Variants in MAN2A1 observed in about 807,000 individuals in gnomAD.
MAN2A1 encodes alpha-mannosidase 2.
In MAN2A1, 76 loss-of-function variants were observed where a neutral mutation model predicts 142.6. The observed-to-expected ratio is 0.53, with a 90% CI of 0.44 to 0.65. The LOEUF (loss-of-function observed/expected upper bound fraction) is 0.65, where lower values mean the gene tolerates loss of function less well. Ranked by LOEUF, MAN2A1 falls within the 30% of genes least tolerant of loss-of-function variation. MAN2A1 has a pLI of 0.00. For synonymous variants in MAN2A1, 559 were observed against 473.2 expected (o/e 1.18, Z -2.35); for missense variants, 1,311 against 1,365.1 (o/e 0.96, Z 0.62).
At chr5:109,732,353 G>A (rs2112588776) in intron 4 of MAN2A1, among the ~76,000 whole-genome samples, 1 of 152,166 alleles carries the variant, frequency 6.6e-6, no homozygotes, top group East Asian at 1.9e-4. Flanking sequence ...CTGTGCAGAA[G>A]CTCTTTAATT....
At chr5:109,804,021 A>C (rs1021749872) in intron 12 of MAN2A1, 7 of 229,850 alleles carry the variant, frequency 3.0e-5, no homozygotes, top group African/African-American at 1.6e-4. Flanking sequence ...CCCAGTGTCC[A>C]TCATGTCTTC....
intron 17 of MAN2A1, among the ~76,000 whole-genome samples, chr5:109,843,594 T>C (rs1755270284): frequency 1.3e-5 from 2 of 152,216 alleles, no homozygotes; most frequent in Admixed American, 6.5e-5. Flanking sequence ...TGTGTGTGTG[T>C]GTATACCATT....
Position 109,729,509 on chromosome 5 carries a change from A to C in MAN2A1, c.703A>C (p.Lys235Gln). ...AGATATTCAGAAGAAGGATGCTGTT[A>C]AAAGGTTTGTTTTAAAACTTTTTTG... ...IIDIQKKDAVKSLIENGQLEI... is the reference protein window; with the variant it reads ...IIDIQKKDAVQSLIENGQLEI... Residue 235 changes from lysine to glutamine, a missense_variant, in exon 4 of 22, where the codon AAA (lysine) becomes CAA (glutamine). Lys to Gln is a moderately conservative substitution (Grantham distance 53). Around this residue, in one of 3 missense-constraint regions of MAN2A1, gnomAD observed 409 missense variants for 412.7 expected, o/e 0.99. Transcript: ENST00000261483. 1.3e-6 allele frequency: 2 copies of C among 1,492,806 alleles called. No homozygotes were observed. The highest frequency in any genetic ancestry group is 2.4e-5 in the East Asian group (1 of 40,996). The allele number at this position is 1,492,806 out of a possible 1,614,324, so 92.5% of individuals were successfully genotyped here.
At chr5:109,739,443 C>A (rs909659553) in intron 4 of MAN2A1, among the ~76,000 whole-genome samples, 1 of 152,064 alleles carries the variant, frequency 6.6e-6, no homozygotes, top group Non-Finnish European at 1.5e-5. Flanking sequence ...TTTTCATATG[C>A]ATTTTTAATT....
rs1400138074 is a variant in MAN2A1 at position 109,867,937 on chromosome 5, A to G, written c.*939A>G. The stretch of plus-strand genomic sequence containing the variant: ...AGAGGGTGGGTACTTTCTATGACAC[A>G]TAAATTGTGTAATTTTTGCCTGACA... On this transcript the variant is annotated 3_prime_UTR_variant, in exon 22 of 22. Transcript: ENST00000261483. The G allele has an allele frequency of 6.6e-6, 1 of 152,188 alleles. No homozygotes were observed. Among genetic ancestry groups the G allele is most frequent in the Non-Finnish European group, 1.5e-5 (1 of 68,024 alleles). 9.4% of individuals were successfully genotyped at this position (152,188 alleles called of 1,614,324 possible). A position where few individuals can be genotyped will look rare whatever the true frequency, so the allele number is the denominator to read the frequency against.
At chr5:109,716,445 G>A (rs747305931) in intron 3 of MAN2A1, among the ~76,000 whole-genome samples, 181 bp downstream of exon 3, 4 of 152,074 alleles carry the variant, frequency 2.6e-5, no homozygotes, top group Non-Finnish European at 5.9e-5. Context: ...ATCAGTTTAT[G>A]TGCCATTCAA....
At chr5:109,865,216 A>T in intron 21 of MAN2A1, 70 bp downstream of exon 21, 2 of 1,087,246 alleles carry the variant, frequency 1.8e-6, no homozygotes, top group South Asian at 2.6e-5. Context: ...AAGGATCTTG[A>T]CAATAAGATC....
intron 2 of MAN2A1, among the ~76,000 whole-genome samples, chr5:109,714,711 C>T (rs1751404618): frequency 6.6e-6 from 1 of 152,146 alleles, no homozygotes; most frequent in Non-Finnish European, 1.5e-5. Flanking sequence ...GGCTTCTGGC[C>T]TCGTTTTCGA....
At chr5:109,759,958 T>G (rs754265350) in intron 5 of MAN2A1, among the ~76,000 whole-genome samples, 956 of 21,944 alleles carry the variant, frequency 0.044, 4 homozygotes, top group East Asian at 0.29. Context: ...TATATATATA[T>G]ATATATAGAT....
chr5:109,855,384 G>A, intron 20 of MAN2A1, 50 bp downstream of exon 20: 1 of 1,198,832 alleles, frequency 8.3e-7, no homozygotes. Context: ...TTATGTACTT[G>A]TTTTAAGGGG....
At position 109,867,421 on chromosome 5, in the gene MAN2A1, T is replaced by A. The variant is rs947181629; in HGVS notation, c.*423T>A. 6.5e-6 allele frequency: 1 copy of A among 153,206 alleles called. No homozygotes were observed. 9.5% of individuals were successfully genotyped at this position (153,206 alleles called of 1,614,324 possible). A position where few individuals can be genotyped will look rare whatever the true frequency, so the allele number is the denominator to read the frequency against. On this transcript the variant is annotated 3_prime_UTR_variant, in exon 22 of 22. Transcript: ENST00000261483. ...TTTGGCTGAAATGGAATAAAATGTTTGTGGGTAAAAGCTAATGGCCAAAAT... is the reference window on the plus strand; with the variant it reads ...TTTGGCTGAAATGGAATAAAATGTTAGTGGGTAAAAGCTAATGGCCAAAAT...
chr5:109,761,594 A>C (rs1752845372), intron 5 of MAN2A1, among the ~76,000 whole-genome samples: 1 of 152,058 alleles, frequency 6.6e-6, no homozygotes, highest in South Asian at 2.1e-4. Context: ...TAGTGGTTTT[A>C]TGATTTTATA....
At chr5:109,699,903 T>C (rs1038590570) in intron 1 of MAN2A1, 1 of 152,252 alleles carries the variant, frequency 6.6e-6, no homozygotes, top group Non-Finnish European at 1.5e-5. Context: ...TTCAATTTTA[T>C]GATATTAAAT....
In MAN2A1 at chr5:109,808,702, A is replaced by AT. The variant is rs34026574; in HGVS notation, c.1944-8552dup. On this transcript the variant is annotated intron_variant, in intron 12 of 21. Transcript: ENST00000261483. ...TATTTCTGTTTTTCTCCTTACACTA[A>AT]TTTTTTTTTTTTTTTTTTTGAGACA... is the stretch of plus-strand genomic sequence containing the variant. Among the ~76,000 whole-genome samples, 149 of 114,454 alleles carry AT rather than the reference A, an allele frequency of 1.3e-3. 1 individual carries two copies. Among genetic ancestry groups the AT allele is most frequent in the Non-Finnish European group, 1.7e-3 (92 of 55,674 alleles). The allele number at this position is 114,454 out of a possible 152,430, so 75.1% of individuals were successfully genotyped here. A position where few individuals can be genotyped will look rare whatever the true frequency, so the allele number is the denominator to read the frequency against.
At chr5:109,737,027 C>T (rs1752120355) in intron 4 of MAN2A1, among the ~76,000 whole-genome samples, 1 of 151,532 alleles carries the variant, frequency 6.6e-6, no homozygotes, top group African/African-American at 2.4e-5. Flanking sequence ...GCTATTTTTT[C>T]CCAGTTATAC....
At chr5:109,750,709 TC>T (rs1752522337) in intron 4 of MAN2A1, among the ~76,000 whole-genome samples, 1 of 152,116 alleles carries the variant, frequency 6.6e-6, no homozygotes, top group South Asian at 2.1e-4. Context: ...GAAATATGAA[TC>T]CCTTGGCTTC....
At chr5:109,761,101 C>T (rs1752832442) in intron 5 of MAN2A1, among the ~76,000 whole-genome samples, 1 of 150,626 alleles carries the variant, frequency 6.6e-6, no homozygotes, top group Admixed American at 6.6e-5. Flanking sequence ...TATGTGTGGT[C>T]TAAAGTTGTA....
In MAN2A1 at chr5:109,842,806, G is replaced by GTTTTTTTTTTT. The variant is rs768238978; in HGVS notation, c.2700+352_2700+362dup. On this transcript the variant is annotated intron_variant, in intron 17 of 21. Transcript: ENST00000261483. ...GGGATTGATGGATTATACTTATTGG[G>GTTTTTTTTTTT]TTTTTTTTTTTTTTTTTGAGAAAGA... 3.5e-3 allele frequency among the ~76,000 whole-genome samples: 412 copies of GTTTTTTTTTTT among 116,102 alleles called. 31 individuals carry two copies. The highest frequency in any genetic ancestry group is 0.012 in the African/African-American group (374 of 30,700). The allele number at this position is 116,102 out of a possible 152,430, so 76.2% of individuals were successfully genotyped here. A position where few individuals can be genotyped will look rare whatever the true frequency, so the allele number is the denominator to read the frequency against.
intron 10 of MAN2A1, among the ~76,000 whole-genome samples, chr5:109,787,709 ACT>A (rs1476914289): frequency 6.6e-6 from 1 of 151,768 alleles, no homozygotes; most frequent in Non-Finnish European, 1.5e-5. Context: ...CATGACTTTC[ACT>A]CTGCAGATTC....
Sources: gnomAD v4.1 joint callset for allele counts (sites outside exome capture counted in the v4.1 genomes callset) on GRCh38, gnomAD v4.1.1 for gene constraint, gnomAD v4.1.1 regional missense constraint, MANE v1.5 for transcripts, NCBI Gene and HGNC (gene_info 2026-07-23, HGNC 2026-07-21) for gene names.